Variants in BTD observed in about 807,000 individuals in gnomAD.
BTD encodes biotinidase.
Under a neutral mutation model 17.7 loss-of-function variants are expected in BTD, and 13 were observed. That is an observed-to-expected ratio of 0.74 (90% CI 0.48 to 1.17). BTD has a LOEUF of 1.17. Among genes scored for constraint, BTD ranks in the 50% most tolerant of loss-of-function variants. BTD has a pLI of 0.00. For synonymous variants in BTD, 240 were observed against 245.2 expected (o/e 0.98, Z 0.20); for missense variants, 674 against 650.4 (o/e 1.04, Z -0.39).
intron 1 of BTD, among the ~76,000 whole-genome samples, chr3:15,616,135 A>T (rs1214954918): frequency 6.6e-6 from 1 of 152,200 alleles, no homozygotes; most frequent in Non-Finnish European, 1.5e-5. Context: ...TTTTGGAGAC[A>T]TAAGTTTTCT....
At chr3:15,630,685 A>T (rs1290320889) in intron 1 of BTD, among the ~76,000 whole-genome samples, 1 of 152,050 alleles carries the variant, frequency 6.6e-6, no homozygotes, top group Non-Finnish European at 1.5e-5. Context: ...AATAGCTGGA[A>T]TTTTTTTTGA....
Position 15,702,419 on chromosome 3 carries a change from G to A in BTD, c.400-7641G>A, listed in dbSNP as rs904339568. Among the ~76,000 whole-genome samples, 9 of 152,172 alleles carry A rather than the reference G, an allele frequency of 5.9e-5. No homozygotes were observed. In the East Asian group the frequency reaches 1.5e-3, roughly 26 times the overall value. On this transcript the variant is annotated intron_variant, in intron 3 of 3. Coordinates refer to the BTD transcript ENST00000672141. ...TTAACACATGTTCATTTTATGAAAC[G>A]CAGACAATTAAGAAATGAAGATTCT...
In BTD at chr3:15,652,692, A is replaced by G. The variant is rs1372901817; in HGVS notation, c.*7204A>G. Among the ~76,000 whole-genome samples the G allele has an allele frequency of 6.6e-6, 1 of 152,220 alleles. No individual in the cohort carries two copies. The highest frequency in any genetic ancestry group is 1.5e-5 in the Non-Finnish European group (1 of 68,030). On this transcript the variant is annotated 3_prime_UTR_variant, in exon 4 of 4. Transcript: ENST00000643237. ...TTATACAGCAATAGAAAACTAATAC[A>G]ATAGTCTTGCTACCAGCACCTTAAT...
intron 3 of BTD, chr3:15,684,713 C>G (rs2067908434): frequency 6.5e-6 from 1 of 153,106 alleles, no homozygotes. Flanking sequence ...TAGTGGGACT[C>G]TTAAAAAAAA....
chr3:15,655,993 A>G (rs1290538234), downstream of BTD, among the ~76,000 whole-genome samples: 2 of 151,982 alleles, frequency 1.3e-5, no homozygotes, highest in Non-Finnish European at 2.9e-5. Flanking sequence ...AGTAGAGACA[A>G]GGTTTCACCA....
chr3:15,631,556 T>C (rs1185397398), intron 1 of BTD: 1 of 1,362,436 alleles, frequency 7.3e-7, no homozygotes. Flanking sequence ...CAAATTTACA[T>C]GAAATAGATT....
chr3:15,699,750 G>C (rs1221678644), intron 3 of BTD, among the ~76,000 whole-genome samples: 1 of 152,208 alleles, frequency 6.6e-6, no homozygotes, highest in Non-Finnish European at 1.5e-5. Context: ...TGCTGGAGAG[G>C]ATGTGGAGAA....
intron 2 of BTD, 92 bp from the exon 3 acceptor site, chr3:15,641,816 G>A: frequency 1.1e-5 from 11 of 992,596 alleles, no homozygotes; most frequent in Non-Finnish European, 1.6e-5. Flanking sequence ...ACTTCCTGAT[G>A]GTTGCCAAAA....
chr3:15,708,576 T>C (rs1262494787), intron 3 of BTD, among the ~76,000 whole-genome samples: 1 of 152,182 alleles, frequency 6.6e-6, no homozygotes, highest in Non-Finnish European at 1.5e-5. Flanking sequence ...TCTCTGTTAT[T>C]TGTAGTATAG....
intron 3 of BTD, among the ~76,000 whole-genome samples, chr3:15,662,837 C>G (rs9865333): frequency 6.9e-6 from 1 of 143,976 alleles, no homozygotes; most frequent in African/African-American, 2.6e-5. Flanking sequence ...GTTTCATCAT[C>G]TTGCCCAGGC....
intron 1 of BTD, among the ~76,000 whole-genome samples, chr3:15,627,140 C>T (rs986937973): frequency 4.6e-5 from 7 of 152,312 alleles, no homozygotes; most frequent in African/African-American, 9.6e-5. Flanking sequence ...GCCCTCCAAC[C>T]GAACACCCCT....
At chr3:15,660,075 C>A (rs1316533829) in intron 3 of BTD, among the ~76,000 whole-genome samples, 1 of 152,196 alleles carries the variant, frequency 6.6e-6, no homozygotes, top group Non-Finnish European at 1.5e-5. Context: ...AGGCACTTCC[C>A]ATGTATTTTT....
At chr3:15,615,292 A>T (rs1030655255) in intron 1 of BTD, among the ~76,000 whole-genome samples, 1 of 152,232 alleles carries the variant, frequency 6.6e-6, no homozygotes, top group African/African-American at 2.4e-5. Flanking sequence ...TATGTTGGTT[A>T]TGACTTTCAA....
At position 15,644,475 on chromosome 3, in the gene BTD, G is replaced by C. The variant is rs1289772526; in HGVS notation, c.559G>C (p.Val187Leu). 1 of 1,614,096 alleles carries C rather than the reference G, an allele frequency of 6.2e-7. No homozygotes were observed. Among genetic ancestry groups the C allele is most frequent in the South Asian group, 1.1e-5 (1 of 91,076 alleles). ...CGTGTTCAGCAATAATGGAACCCTT[G>C]TTGACCGCTACCGTAAACACAACCT... Reference protein sequence around the residue: ...NVVFSNNGTLVDRYRKHNLYF... With the variant: ...NVVFSNNGTLLDRYRKHNLYF... The change falls in exon 4 of 4, where the codon GTT becomes CTT. Residue 187 changes from valine (V) to leucine (L), a missense_variant. By Grantham distance (32) the Val-to-Leu change is conservative. Coordinates refer to ENST00000643237, the MANE Select transcript of BTD (RefSeq NM_001370658.1).
At chr3:15,720,941 C>G in intron 4 of BTD, 1 of 1,613,496 alleles carries the variant, frequency 6.2e-7, no homozygotes, top group South Asian at 1.1e-5. Context: ...GCCCCATTGC[C>G]AACTAGAAGC....
chr3:15,679,492 G>A (rs774673724), intron 3 of BTD: 3 of 1,613,838 alleles, frequency 1.9e-6, no homozygotes, highest in Non-Finnish European at 2.5e-6. Flanking sequence ...CAATGCAATG[G>A]ACTAAAAGCA....
intron 3 of BTD, among the ~76,000 whole-genome samples, chr3:15,706,477 T>C (rs2071427809): frequency 6.6e-6 from 1 of 152,208 alleles, no homozygotes; most frequent in South Asian, 2.1e-4. Flanking sequence ...ATTTTCTTAA[T>C]CCAGTCTATC....
intron 3 of BTD, chr3:15,686,019 T>C (rs2068084206): frequency 1.2e-6 from 2 of 1,613,466 alleles, no homozygotes; most frequent in African/African-American, 1.3e-5. Context: ...TGCAACGCTG[T>C]CCTTCCCCAC....
At chr3:15,715,989 T>C (rs182867728), downstream of BTD, among the ~76,000 whole-genome samples, 205 of 149,370 alleles carry the variant, frequency 1.4e-3, no homozygotes, top group African/African-American at 4.7e-3. Flanking sequence ...GCCTTTTTTT[T>C]CTCTCTTTTT....
Sources: allele counts gnomAD v4.1 joint callset (sites outside exome capture counted in the v4.1 genomes callset), GRCh38; gene constraint gnomAD v4.1.1; transcripts MANE v1.5; gene names NCBI Gene and HGNC (gene_info 2026-07-23, HGNC 2026-07-21).